CFAP20DC: variants seen among roughly 807,000 people sequenced by gnomAD.
The protein encoded by CFAP20DC is CFAP20 domain containing, also known as protein CFAP20DC.
CFAP20DC carries 84 observed loss-of-function variants against 101.7 expected under a neutral mutation model. That is an observed-to-expected ratio of 0.83 (90% CI 0.69 to 0.99). The LOEUF is 0.99. Among genes scored for constraint, CFAP20DC ranks in the 50% least tolerant of loss-of-function variants. CFAP20DC has a pLI of 0.00. For missense variants in CFAP20DC, 1,007 were observed against 970.3 expected, an observed-to-expected ratio of 1.04 and a Z score of -0.50; for synonymous variants, 359 against 351.2, an observed-to-expected ratio of 1.02 and a Z score of -0.25.
intron 15 of CFAP20DC, among the ~76,000 whole-genome samples, chr3:58,779,648 G>T (rs2071644534): frequency 6.6e-6 from 1 of 152,036 alleles, no homozygotes. Context: ...ATTTTGAAAT[G>T]ACCCAGTCTG....
intron 13 of CFAP20DC, among the ~76,000 whole-genome samples, chr3:58,848,318 T>G (rs1208740327): frequency 1.3e-5 from 2 of 152,134 alleles, no homozygotes; most frequent in Non-Finnish European, 2.9e-5. Context: ...AGAACATACT[T>G]GAACCAAAGC....
Position 58,929,755 on chromosome 3 carries a change from G to A in CFAP20DC, c.393+7893C>T, listed in dbSNP as rs28558110. On this transcript the variant is annotated intron_variant, in intron 5 of 16. Transcript: ENST00000482387. The stretch of plus-strand genomic sequence containing the variant: ...AGCCCAGTGGATCTGCCTACTGAAA[G>A]AAATGGTCAGTATGCACTCCATGCT... Among the ~76,000 whole-genome samples, 1,457 of 152,258 alleles carry A rather than the reference G, an allele frequency of 9.6e-3. 24 individuals carry two copies. The highest frequency in any genetic ancestry group is 0.033 in the African/African-American group (1,370 of 41,550).
In CFAP20DC at chr3:58,810,927, C is replaced by A. The variant is rs1459629760; in HGVS notation, c.2176-4471G>T. On this transcript the variant is annotated intron_variant, in intron 14 of 16. Transcript: ENST00000482387. ...CACCAATAACAGGCAAACAGAGAGC[C>A]AAATCATGAGTGAACTCCCATGCAC... 1.3e-5 allele frequency among the ~76,000 whole-genome samples: 2 copies of A among 151,908 alleles called. 1 individual carries two copies.
At chr3:58,951,230 T>C (rs1175838105) in intron 4 of CFAP20DC, among the ~76,000 whole-genome samples, 3 of 152,312 alleles carry the variant, frequency 2.0e-5, no homozygotes, top group East Asian at 1.9e-4. Flanking sequence ...CCAGTTAGAA[T>C]GGTGATCATT....
rs553269112 is a variant in CFAP20DC, at chr3:58,809,669, G to A, written c.2176-3213C>T. Among the ~76,000 whole-genome samples, 89 of 152,136 alleles carry A rather than the reference G, an allele frequency of 5.9e-4. 1 individual carries two copies. In the South Asian group the frequency reaches 0.012, roughly 21 times the overall value. Reference sequence around the variant, plus strand: ...TAGAAAAGCAAGAGCAAACACATACGAAAGCTAGCAGAAGGCAAGACATAA... The same window carrying A: ...TAGAAAAGCAAGAGCAAACACATACAAAAGCTAGCAGAAGGCAAGACATAA... On this transcript the variant is annotated intron_variant, in intron 14 of 16. Coordinates refer to ENST00000482387, the MANE Select transcript of CFAP20DC (RefSeq NM_001394063.1).
At chr3:58,809,119 G>A (rs949144851) in intron 14 of CFAP20DC, among the ~76,000 whole-genome samples, 1 of 152,092 alleles carries the variant, frequency 6.6e-6, no homozygotes, top group Non-Finnish European at 1.5e-5. Context: ...AATAATGGGA[G>A]ACTTTAGCAC....
At chr3:58,958,198 C>G (rs1051768706) in intron 4 of CFAP20DC, among the ~76,000 whole-genome samples, 5 of 152,126 alleles carry the variant, frequency 3.3e-5, no homozygotes, top group African/African-American at 1.2e-4. Flanking sequence ...CACCTCTACT[C>G]AAACTCCCAG....
chr3:59,008,447 C>T (rs561225031), intron 4 of CFAP20DC, among the ~76,000 whole-genome samples: 5 of 152,310 alleles, frequency 3.3e-5, no homozygotes, highest in South Asian at 2.1e-4. Context: ...CCCAGGAATA[C>T]CTTCGCTATT....
intron 15 of CFAP20DC, among the ~76,000 whole-genome samples, chr3:58,792,397 T>C (rs904800362): frequency 2.0e-5 from 3 of 152,118 alleles, no homozygotes; most frequent in African/African-American, 7.2e-5. Context: ...AAGAGAATAC[T>C]AAACAACCCA....
intron 6 of CFAP20DC, among the ~76,000 whole-genome samples, chr3:58,893,401 GT>G (rs1175395891): frequency 7.9e-5 from 12 of 152,162 alleles, no homozygotes; most frequent in Admixed American, 7.9e-4. Flanking sequence ...TAATCATGTG[GT>G]TTTTGTCTTT....
At chr3:59,024,354 G>T (rs1255541901) in intron 4 of CFAP20DC, among the ~76,000 whole-genome samples, 2 of 152,122 alleles carry the variant, frequency 1.3e-5, no homozygotes, top group African/African-American at 2.4e-5. Flanking sequence ...TACAAATGGG[G>T]CTTAGAAATG....
At chr3:59,013,498 T>C (rs989629468) in intron 4 of CFAP20DC, among the ~76,000 whole-genome samples, 4 of 152,104 alleles carry the variant, frequency 2.6e-5, no homozygotes, top group Non-Finnish European at 5.9e-5. Context: ...ATTATGGAAG[T>C]TTACCTAAAT....
intron 7 of CFAP20DC, among the ~76,000 whole-genome samples, chr3:58,878,027 C>A (rs2080900074): frequency 6.6e-6 from 1 of 152,110 alleles, no homozygotes; most frequent in South Asian, 2.1e-4. Flanking sequence ...GGCAAGCAGG[C>A]ACATGCAGAA....
chr3:58,927,305 G>T (rs989716176), intron 5 of CFAP20DC, among the ~76,000 whole-genome samples: 1 of 152,098 alleles, frequency 6.6e-6, no homozygotes, highest in East Asian at 1.9e-4. Flanking sequence ...CTAACTAAAG[G>T]CTTTAGCTAA....
At position 58,937,763 on chromosome 3, in the gene CFAP20DC, C is replaced by G. The variant is rs1459075764; in HGVS notation, c.279-1G>C. 1 of 1,501,034 alleles carries G rather than the reference C, an allele frequency of 6.7e-7. No individual in the cohort carries two copies. The highest frequency in any genetic ancestry group is 9.3e-7 in the Non-Finnish European group (1 of 1,078,598). The allele number at this position is 1,501,034 out of a possible 1,614,324, so 93.0% of individuals were successfully genotyped here. A position where few individuals can be genotyped will look rare whatever the true frequency, so the allele number is the denominator to read the frequency against. Reference sequence around the variant, plus strand: ...TTTGATGTTCCCTAAATCAGTAATTCTGAAAACATGGAGGAGAGAAGACAG... The same window carrying G: ...TTTGATGTTCCCTAAATCAGTAATTGTGAAAACATGGAGGAGAGAAGACAG... On this transcript the variant is annotated splice_acceptor_variant, in intron 4 of 16. Coordinates refer to ENST00000482387, the MANE Select transcript of CFAP20DC (RefSeq NM_001394063.1). LOFTEE classifies it high-confidence loss of function.
intron 15 of CFAP20DC, 139 bp from the exon 16 acceptor site, chr3:58,754,002 C>T (rs2068752030): frequency 1.7e-6 from 1 of 598,010 alleles, no homozygotes; most frequent in Non-Finnish European, 3.0e-6. Flanking sequence ...GACAGATGTC[C>T]AGATATCAAT....
intron 16 of CFAP20DC, among the ~76,000 whole-genome samples, chr3:58,745,262 A>C (rs2068114144): frequency 6.6e-6 from 1 of 152,152 alleles, no homozygotes; most frequent in African/African-American, 2.4e-5. Flanking sequence ...TATGCCTTTA[A>C]AGTTTGGACT....
Position 58,790,832 on chromosome 3 carries a change from C to G in CFAP20DC, c.2237+15563G>C, listed in dbSNP as rs145840480. Among the ~76,000 whole-genome samples the G allele has an allele frequency of 6.2e-4, 95 of 152,050 alleles. No individual in the cohort carries two copies. The East Asian group carries it at 0.015, about 24-fold the overall frequency. ...GACGGTGATTAGGACTATGCCAGGA[C>G]CAGGAATGGCAAAATGGAGTTGGGA... On this transcript the variant is annotated intron_variant, in intron 15 of 16. Coordinates refer to ENST00000482387, the MANE Select transcript of CFAP20DC (RefSeq NM_001394063.1).
In CFAP20DC at chr3:58,892,165, GCT is replaced by G. The variant is rs1198406578; in HGVS notation, c.551-7458_551-7457del. Reference sequence around the variant, plus strand: ...TGTAGATGTGTGGCCTTATTTCTAGGCTCTCTATTCTCTTCCACTGGTCTATG... The same window carrying G: ...TGTAGATGTGTGGCCTTATTTCTAGGCTCTATTCTCTTCCACTGGTCTATG... On this transcript the variant is annotated intron_variant, in intron 6 of 16. Coordinates refer to ENST00000482387, the MANE Select transcript of CFAP20DC (RefSeq NM_001394063.1). This position sits in a 1 kb window ranked among gnomAD's most constrained non-coding sequence, Gnocchi z 4.0. Among the ~76,000 whole-genome samples the G allele has an allele frequency of 6.6e-6, 1 of 152,054 alleles. No homozygotes were observed. The highest frequency in any genetic ancestry group is 1.9e-4 in the East Asian group (1 of 5,200).
Sources: gnomAD v4.1 joint callset for allele counts (sites outside exome capture counted in the v4.1 genomes callset) on GRCh38, gnomAD v4.1.1 for gene constraint, Gnocchi (gnomAD v3.1) non-coding constraint, MANE v1.5 for transcripts, NCBI Gene and HGNC (gene_info 2026-07-23, HGNC 2026-07-21) for gene names.